The following RAB40B variants were observed in gnomAD, a reference collection of about 807,000 sequenced individuals.
RAB40B encodes RAB40B, member RAS oncogene family.
Under a neutral mutation model 24.0 loss-of-function variants are expected in RAB40B, and 21 were observed. The observed-to-expected ratio is 0.88, with a 90% CI of 0.62 to 1.26. The LOEUF is 1.26. Among genes scored for constraint, RAB40B ranks in the 50% most tolerant of loss-of-function variants. RAB40B has a pLI of 0.00. For synonymous variants in RAB40B, 167 were observed against 169.8 expected (o/e 0.98, Z 0.13); for missense variants, 348 against 390.5 (o/e 0.89, Z 0.92).
At position 82,655,261 on chromosome 17, in the gene RAB40B, C is replaced by T. The variant is rs2046079359; in HGVS notation, c.*2602G>A. Reference sequence around the variant, plus strand: ...GGGCTGTGCTCCCTCTGGGAGATCTCGGGGAGCCTCCTTGCTACATGTTCC... The same window carrying T: ...GGGCTGTGCTCCCTCTGGGAGATCTTGGGGAGCCTCCTTGCTACATGTTCC... On this transcript the variant is annotated 3_prime_UTR_variant, in exon 6 of 6. Coordinates refer to ENST00000571995, the MANE Select transcript of RAB40B (RefSeq NM_006822.3). 1 of 152,112 alleles carries T rather than the reference C, an allele frequency of 6.6e-6. No individual in the cohort carries two copies. The highest frequency in any genetic ancestry group is 2.4e-5 in the African/African-American group (1 of 41,412). The allele number at this position is 152,112 out of a possible 1,614,324, so 9.4% of individuals were successfully genotyped here.
At chr17:82,679,968 G>T (rs2046433274) in intron 1 of RAB40B, among the ~76,000 whole-genome samples, 1 of 152,258 alleles carries the variant, frequency 6.6e-6, no homozygotes, top group Non-Finnish European at 1.5e-5. Flanking sequence ...AGTGGCTGTG[G>T]GAGGGACAGA....
intron 4 of RAB40B, 37 bp downstream of exon 4, chr17:82,659,542 CT>C (rs775899645): frequency 1.3e-6 from 2 of 1,597,884 alleles, no homozygotes; most frequent in South Asian, 2.2e-5. Flanking sequence ...CCTCCCAAGC[CT>C]ACAGGGATCT....
chr17:82,661,653 G>C (rs528680184), intron 2 of RAB40B, among the ~76,000 whole-genome samples: 1 of 152,128 alleles, frequency 6.6e-6, no homozygotes, highest in Non-Finnish European at 1.5e-5. Context: ...TTGGGAGACC[G>C]AGGCAGGCGG....
At position 82,675,487 on chromosome 17, in the gene RAB40B, G is replaced by T. The variant is rs541845493; in HGVS notation, c.143-10931C>A. Reference sequence around the variant, plus strand: ...TCCCTTTACCCCATACTTCAGAACTGGGGGTGGGGCAGGGTAGGGTAGTAC... The same window carrying T: ...TCCCTTTACCCCATACTTCAGAACTTGGGGTGGGGCAGGGTAGGGTAGTAC... On this transcript the variant is annotated intron_variant, in intron 1 of 5. Transcript: ENST00000571995. This position sits in a 1 kb window ranked among gnomAD's most constrained non-coding sequence, Gnocchi z 4.5. Among the ~76,000 whole-genome samples the T allele has an allele frequency of 6.6e-6, 1 of 152,328 alleles. No homozygotes were observed. Among genetic ancestry groups the T allele is most frequent in the South Asian group, 2.1e-4 (1 of 4,830 alleles).
chr17:82,679,334 T>G (rs2046426535), intron 1 of RAB40B, among the ~76,000 whole-genome samples: 1 of 151,326 alleles, frequency 6.6e-6, no homozygotes, highest in African/African-American at 2.4e-5. Flanking sequence ...CAGGCTGGAG[T>G]GCAGTGGCGC....
chr17:82,698,049 G>A (rs565749182), intron 1 of RAB40B, among the ~76,000 whole-genome samples: 1 of 149,900 alleles, frequency 6.7e-6, no homozygotes, highest in Non-Finnish European at 1.5e-5. Flanking sequence ...GGCCGAACGC[G>A]CACTTGCGGA....
chr17:82,664,411 G>A, intron 2 of RAB40B, 85 bp downstream of exon 2: 1 of 1,358,548 alleles, frequency 7.4e-7, no homozygotes, highest in Non-Finnish European at 1.0e-6. Flanking sequence ...TGCTCCCCGG[G>A]GCACTGTGCT....
At chr17:82,676,759 T>G (rs1045803576) in intron 1 of RAB40B, among the ~76,000 whole-genome samples, 5 of 149,592 alleles carry the variant, frequency 3.3e-5, no homozygotes, top group Admixed American at 6.7e-5. Context: ...TCTCCAGCAG[T>G]TGGGATTACA....
chr17:82,679,854 C>T (rs1478098224), intron 1 of RAB40B, among the ~76,000 whole-genome samples: 1 of 134,358 alleles, frequency 7.4e-6, no homozygotes, highest in Non-Finnish European at 1.6e-5. Flanking sequence ...GAAGCAGTGT[C>T]CTGGAGCGTG....
intron 1 of RAB40B, among the ~76,000 whole-genome samples, chr17:82,687,059 G>C (rs2046509961): frequency 6.6e-6 from 1 of 152,062 alleles, no homozygotes; most frequent in Non-Finnish European, 1.5e-5. Flanking sequence ...GGGCATGGAA[G>C]ACTCTTGTCT....
intron 1 of RAB40B, among the ~76,000 whole-genome samples, chr17:82,691,805 A>G (rs537882486): frequency 3.9e-5 from 6 of 152,314 alleles, no homozygotes; most frequent in African/African-American, 1.2e-4. Context: ...TGCCCCGACC[A>G]TATCCTGGGC....
intron 1 of RAB40B, among the ~76,000 whole-genome samples, chr17:82,683,188 C>G (rs2046462943): frequency 6.6e-6 from 1 of 151,938 alleles, no homozygotes; most frequent in Non-Finnish European, 1.5e-5. Context: ...CAAAATGGAC[C>G]ATAGTCATAA....
At position 82,680,959 on chromosome 17, in the gene RAB40B, G is replaced by GGCAGAGGTT. The variant is rs368202804; in HGVS notation, c.143-16404_143-16403insAACCTCTGC. Among the ~76,000 whole-genome samples, 1,139 of 148,866 alleles carry GGCAGAGGTT rather than the reference G, an allele frequency of 7.7e-3. 13 individuals carry two copies. The highest frequency in any genetic ancestry group is 0.021 in the Middle Eastern group (6 of 290). ...GCAGGAGAATCATTTGAACCCGGGA[G>GGCAGAGGTT]GCAGTGAGCTGAGATTGCGCCATTG... On this transcript the variant is annotated intron_variant, in intron 1 of 5. Transcript: ENST00000571995.
chr17:82,664,786 G>T (rs1300281237), intron 1 of RAB40B: 6 of 505,682 alleles, frequency 1.2e-5, no homozygotes, highest in Non-Finnish European at 2.1e-5. Context: ...TGGGGGTCAG[G>T]CTCGCATCAC....
intron 1 of RAB40B, among the ~76,000 whole-genome samples, chr17:82,674,514 C>G (rs950901724): frequency 1.3e-5 from 2 of 150,228 alleles, no homozygotes; most frequent in African/African-American, 4.9e-5. Flanking sequence ...TGGCGGGCAC[C>G]TGTAGTCCCA....
chr17:82,661,990 T>A (rs930671607), intron 2 of RAB40B: 5 of 985,174 alleles, frequency 5.1e-6, no homozygotes, highest in Non-Finnish European at 6.0e-6. Flanking sequence ...GCCAGCGCTG[T>A]TTCCCGGAGT....
chr17:82,678,907 G>A (rs925974503), intron 1 of RAB40B, among the ~76,000 whole-genome samples: 1 of 95,066 alleles, frequency 1.1e-5, no homozygotes, highest in Non-Finnish European at 2.0e-5. Context: ...TTTTGAGACG[G>A]AGTCTCGCTC....
Position 82,692,271 on chromosome 17 carries a change from A to G in RAB40B, c.142+6184T>C, listed in dbSNP as rs1332016784. ...TGACAGGCAGAGCAGTGGGGTCCAC[A>G]TAGTCTGTGGAGTCAAGTTGCCGAC... On this transcript the variant is annotated intron_variant, in intron 1 of 5. Transcript: ENST00000571995. This position sits in a 1 kb window ranked among gnomAD's most constrained non-coding sequence, Gnocchi z 4.0. Among the ~76,000 whole-genome samples the G allele has an allele frequency of 1.3e-5, 2 of 152,150 alleles. No individual in the cohort carries two copies. Among genetic ancestry groups the G allele is most frequent in the Non-Finnish European group, 2.9e-5 (2 of 68,030 alleles).
intron 1 of RAB40B, among the ~76,000 whole-genome samples, chr17:82,683,947 G>A (rs977414233): frequency 2.6e-5 from 4 of 152,122 alleles, no homozygotes; most frequent in African/African-American, 7.2e-5. Flanking sequence ...CTGGCCGGGC[G>A]CAGCGGCTAA....
Sources: gnomAD v4.1 joint callset for allele counts (sites outside exome capture counted in the v4.1 genomes callset) on GRCh38, gnomAD v4.1.1 for gene constraint, Gnocchi (gnomAD v3.1) non-coding constraint, MANE v1.5 for transcripts, NCBI Gene and HGNC (gene_info 2026-07-23, HGNC 2026-07-21) for gene names.